The following SH3GL2 variants were observed in gnomAD, a reference collection of about 807,000 sequenced individuals.
The protein encoded by SH3GL2 is endophilin-A1.
A neutral mutation model predicts 46.0 loss-of-function variants in SH3GL2; 24 were observed. The ratio of observed to expected loss-of-function variants is 0.52; its 90% CI spans 0.38 to 0.73. The LOEUF (loss-of-function observed/expected upper bound fraction) is 0.73, where lower values mean the gene tolerates loss of function less well. Among genes scored for constraint, SH3GL2 ranks in the 30% least tolerant of loss-of-function variants. The probability of loss-of-function intolerance (pLI) is 0.00; values close to 1 mark genes in which losing one functional copy is unlikely to be tolerated. For missense variants in SH3GL2, 413 were observed against 424.2 expected (o/e 0.97, Z 0.23); for synonymous variants, 196 against 147.1 (o/e 1.33, Z -2.40).
At chr9:17,584,304 C>T (rs528480239) in intron 1 of SH3GL2, among the ~76,000 whole-genome samples, 42 of 152,182 alleles carry the variant, frequency 2.8e-4, no homozygotes, top group Middle Eastern at 6.8e-3. Context: ...AGTTCAAAAC[C>T]GGCTTTGCCA....
intron 1 of SH3GL2, among the ~76,000 whole-genome samples, chr9:17,667,225 A>G (rs1820366136): frequency 6.6e-6 from 1 of 152,118 alleles, no homozygotes; most frequent in Admixed American, 6.5e-5. Context: ...TAATTCACAT[A>G]CCATAACATT....
In SH3GL2 at chr9:17,749,581, T is replaced by C. The variant is rs530026608; in HGVS notation, c.114+2447T>C. ...CAGAATTTGACACTTCCTTTTAGCA[T>C]CTGCCAGGACTAAAGGGAATAAGCT... On this transcript the variant is annotated intron_variant, in intron 2 of 8. Transcript: ENST00000380607. Among the ~76,000 whole-genome samples, 4 of 152,322 alleles carry C rather than the reference T, an allele frequency of 2.6e-5. No homozygotes were observed. The South Asian group carries it at 8.3e-4, about 32-fold the overall frequency.
intron 3 of SH3GL2, among the ~76,000 whole-genome samples, chr9:17,771,255 C>T (rs942149475): frequency 1.3e-5 from 2 of 152,100 alleles, no homozygotes; most frequent in Non-Finnish European, 2.9e-5. Context: ...GTCTCCTGAA[C>T]CCCCCAGGGA....
At chr9:17,679,231 T>C (rs932832484) in intron 1 of SH3GL2, among the ~76,000 whole-genome samples, 23 of 152,186 alleles carry the variant, frequency 1.5e-4, no homozygotes, top group African/African-American at 4.3e-4. Flanking sequence ...GCAGTATGGC[T>C]ATTTTCATGA....
chr9:17,621,841 A>T (rs1239479717), intron 1 of SH3GL2, among the ~76,000 whole-genome samples: 1 of 151,984 alleles, frequency 6.6e-6, no homozygotes, highest in Admixed American at 6.6e-5. Context: ...AACTAGGATA[A>T]CTCTTTTGCA....
At chr9:17,687,284 G>A (rs535333778) in intron 1 of SH3GL2, among the ~76,000 whole-genome samples, 3 of 152,108 alleles carry the variant, frequency 2.0e-5, no homozygotes, top group African/African-American at 7.2e-5. Flanking sequence ...AGCAGAATTG[G>A]TACAAGGTAT....
chr9:17,600,630 G>A (rs1456368282), intron 1 of SH3GL2, among the ~76,000 whole-genome samples: 2 of 152,202 alleles, frequency 1.3e-5, no homozygotes, highest in Admixed American at 1.3e-4. Flanking sequence ...CTTAGTTACT[G>A]GAGCTATGCT....
At chr9:17,667,059 TTGTC>T (rs1290267683) in intron 1 of SH3GL2, among the ~76,000 whole-genome samples, 1 of 152,176 alleles carries the variant, frequency 6.6e-6, no homozygotes, top group Non-Finnish European at 1.5e-5. Flanking sequence ...CATTTGTGAA[TTGTC>T]TGTGTCTTTT....
At chr9:17,674,348 C>T (rs1005547681) in intron 1 of SH3GL2, among the ~76,000 whole-genome samples, 1 of 152,086 alleles carries the variant, frequency 6.6e-6, no homozygotes, top group Non-Finnish European at 1.5e-5. Context: ...CTCACTGAAA[C>T]CTCCGCCTCA....
chr9:17,588,164 T>G (rs1157618378), intron 1 of SH3GL2, among the ~76,000 whole-genome samples: 1 of 152,192 alleles, frequency 6.6e-6, no homozygotes, highest in Non-Finnish European at 1.5e-5. Flanking sequence ...CTGGATCGGT[T>G]CTGCCATCTG....
intron 1 of SH3GL2, among the ~76,000 whole-genome samples, chr9:17,700,336 C>T (rs182554505): frequency 7.4e-4 from 112 of 152,212 alleles, no homozygotes; most frequent in African/African-American, 2.6e-3. Flanking sequence ...TGTGTTTTGT[C>T]GTGTATGTAG....
At chr9:17,661,135 C>T in intron 1 of SH3GL2, among the ~76,000 whole-genome samples, 1 of 152,144 alleles carries the variant, frequency 6.6e-6, no homozygotes, top group East Asian at 1.9e-4. Context: ...GCACTCCAGT[C>T]TGGGCAACAG....
chr9:17,736,097 T>C (rs28507777), intron 1 of SH3GL2, among the ~76,000 whole-genome samples: 6,902 of 152,124 alleles, frequency 0.045, 419 homozygotes, highest in African/African-American at 0.13. Context: ...GGAGCATCTG[T>C]CAGTGCATAG....
intron 3 of SH3GL2, among the ~76,000 whole-genome samples, chr9:17,777,967 T>A (rs955696496): frequency 1.3e-5 from 2 of 152,100 alleles, no homozygotes; most frequent in East Asian, 3.9e-4. Context: ...AGACTAGATA[T>A]TTATAGCCGA....
chr9:17,723,654 CTG>C (rs1183613406), intron 1 of SH3GL2, among the ~76,000 whole-genome samples: 2 of 152,134 alleles, frequency 1.3e-5, no homozygotes, highest in Non-Finnish European at 2.9e-5. Flanking sequence ...CTTCATGACT[CTG>C]TCTCAGAATT....
chr9:17,582,959 T>C (rs1008668507), intron 1 of SH3GL2, among the ~76,000 whole-genome samples: 10 of 152,244 alleles, frequency 6.6e-5, no homozygotes, highest in Non-Finnish European at 1.2e-4. Flanking sequence ...CCCAGTCATA[T>C]AGGATTGGGC....
intron 1 of SH3GL2, among the ~76,000 whole-genome samples, chr9:17,736,797 C>T (rs996927726): frequency 5.3e-5 from 8 of 151,988 alleles, no homozygotes; most frequent in Non-Finnish European, 7.4e-5. Context: ...GCCCTGTAGC[C>T]GTCAATTACT....
At chr9:17,780,122 C>T (rs934852672) in intron 3 of SH3GL2, among the ~76,000 whole-genome samples, 2 of 152,152 alleles carry the variant, frequency 1.3e-5, no homozygotes, top group Non-Finnish European at 2.9e-5. Context: ...AAGTACAACA[C>T]ATATATCATA....
chr9:17,677,707 G>A (rs973809133), intron 1 of SH3GL2, among the ~76,000 whole-genome samples: 6 of 151,914 alleles, frequency 3.9e-5, no homozygotes, highest in Non-Finnish European at 7.4e-5. Flanking sequence ...GTATACATGT[G>A]CCATGTTGGT....
Sources: gnomAD v4.1 joint callset for allele counts (sites outside exome capture counted in the v4.1 genomes callset) on GRCh38, gnomAD v4.1.1 for gene constraint, MANE v1.5 for transcripts, NCBI Gene and HGNC (gene_info 2026-07-23, HGNC 2026-07-21) for gene names.